The following FLVCR2 variants were observed in gnomAD, a reference collection of about 807,000 sequenced individuals.
FLVCR2 encodes the protein choline/ethanolamine transporter FLVCR2.
FLVCR2 carries 38 observed loss-of-function variants against 48.9 expected under a neutral mutation model. The ratio of observed to expected loss-of-function variants is 0.78; its 90% CI spans 0.60 to 1.02. The LOEUF (loss-of-function observed/expected upper bound fraction) is 1.02. Ranked by LOEUF, FLVCR2 falls within the 50% of genes least tolerant of loss-of-function variation. FLVCR2 has a pLI of 0.00. For missense variants in FLVCR2, 664 were observed against 663.3 expected, an observed-to-expected ratio of 1.00 and a Z score of -0.01; for synonymous variants, 255 against 257.0, an observed-to-expected ratio of 0.99 and a Z score of 0.07.
At chr14:75,616,851 G>C (rs1889631284) in intron 1 of FLVCR2, among the ~76,000 whole-genome samples, 1 of 152,240 alleles carries the variant, frequency 6.6e-6, no homozygotes. Context: ...AAAAGGCTCA[G>C]ATGGGGACTA....
chr14:75,645,785 G>T (rs559792624), intron 9 of FLVCR2, among the ~76,000 whole-genome samples: 27 of 152,142 alleles, frequency 1.8e-4, no homozygotes, highest in Non-Finnish European at 2.4e-4. Context: ...GGGCATGGTG[G>T]TGGGCACCTA....
intron 9 of FLVCR2, 92 bp downstream of exon 9, chr14:75,641,990 C>A: frequency 8.6e-7 from 1 of 1,160,814 alleles, no homozygotes; most frequent in Non-Finnish European, 1.3e-6. Flanking sequence ...AGAACTCCCA[C>A]AGGGACTGGT....
chr14:75,587,900 T>G (rs1490447260), intron 1 of FLVCR2, among the ~76,000 whole-genome samples: 3 of 152,190 alleles, frequency 2.0e-5, no homozygotes, highest in African/African-American at 4.8e-5. Context: ...CATAGCACAG[T>G]GCAATCTAGA....
At position 75,624,608 on chromosome 14, in the gene FLVCR2, T is replaced by C. The variant is rs1405841670; in HGVS notation, c.812-4T>C. Reference sequence around the variant, plus strand: ...TTCAGCCATCTCTGTTTTTTTCCTTTCAGTGTTCAAGGAGAAACCTAAATA... The same window carrying C: ...TTCAGCCATCTCTGTTTTTTTCCTTCCAGTGTTCAAGGAGAAACCTAAATA... On this transcript the variant is annotated splice_region_variant and splice_polypyrimidine_tract_variant and intron_variant, in intron 2 of 9. Coordinates refer to ENST00000238667, the MANE Select transcript of FLVCR2 (RefSeq NM_017791.3). 1 of 1,614,080 alleles carries C rather than the reference T, an allele frequency of 6.2e-7. No homozygotes were observed. Among genetic ancestry groups the C allele is most frequent in the Admixed American group, 1.7e-5 (1 of 60,022 alleles).
chr14:75,621,625 A>G (rs1461180863), intron 1 of FLVCR2, among the ~76,000 whole-genome samples: 1 of 152,092 alleles, frequency 6.6e-6, no homozygotes, highest in East Asian at 1.9e-4. Context: ...TAGCCTTCCA[A>G]CTCTTACTGA....
intron 6 of FLVCR2, chr14:75,640,638 G>A: frequency 2.5e-6 from 1 of 403,964 alleles, no homozygotes; most frequent in South Asian, 2.1e-5. Flanking sequence ...TCTCTCAGCT[G>A]AAGGTTGAAC....
At chr14:75,593,532 A>G (rs1428517434) in intron 1 of FLVCR2, among the ~76,000 whole-genome samples, 2 of 152,198 alleles carry the variant, frequency 1.3e-5, no homozygotes, top group African/African-American at 4.8e-5. Context: ...TGCAGGAACT[A>G]ATCTAGTCTT....
chr14:75,579,905 C>T (rs925022959), intron 1 of FLVCR2, among the ~76,000 whole-genome samples: 1 of 152,228 alleles, frequency 6.6e-6, no homozygotes, highest in Non-Finnish European at 1.5e-5. Context: ...GTGTCGTTCT[C>T]GAACCTGTGT....
chr14:75,621,504 G>A (rs1355964098), intron 1 of FLVCR2, among the ~76,000 whole-genome samples: 5 of 152,130 alleles, frequency 3.3e-5, no homozygotes, highest in Non-Finnish European at 7.4e-5. Flanking sequence ...TCTCCTATGT[G>A]TATAAATTTA....
At chr14:75,589,914 C>G (rs916969903) in intron 1 of FLVCR2, among the ~76,000 whole-genome samples, 1 of 152,198 alleles carries the variant, frequency 6.6e-6, no homozygotes, top group Non-Finnish European at 1.5e-5. Flanking sequence ...CAGCTCTGGA[C>G]AGTGAATGCT....
intron 3 of FLVCR2, among the ~76,000 whole-genome samples, chr14:75,627,386 G>A (rs1889928151): frequency 6.6e-6 from 1 of 152,160 alleles, no homozygotes; most frequent in South Asian, 2.1e-4. Context: ...AACAATCCAA[G>A]CAGCATTTAT....
chr14:75,632,908 C>T (rs1368717500), intron 3 of FLVCR2: 1 of 702,270 alleles, frequency 1.4e-6, no homozygotes, highest in Admixed American at 2.0e-5. Context: ...TTGTCATCAT[C>T]ATCATCACCA....
At chr14:75,632,851 C>T in intron 3 of FLVCR2, 1 of 702,328 alleles carries the variant, frequency 1.4e-6, no homozygotes, top group Non-Finnish European at 2.6e-6. Context: ...TACCTACTTT[C>T]TAGAGTTGTC....
chr14:75,612,805 A>G (rs1382511520), intron 1 of FLVCR2, among the ~76,000 whole-genome samples: 1 of 152,154 alleles, frequency 6.6e-6, no homozygotes, highest in Admixed American at 6.5e-5. Flanking sequence ...ACCCCCTGCC[A>G]AACCTCGACT....
intron 1 of FLVCR2, among the ~76,000 whole-genome samples, chr14:75,621,300 CA>C (rs1889758305): frequency 6.6e-6 from 1 of 151,594 alleles, no homozygotes; most frequent in Non-Finnish European, 1.5e-5. Context: ...TCCAGTTGCT[CA>C]GGAGGCTGAG....
In FLVCR2 at chr14:75,633,000, T is replaced by C. The variant is rs1183900811; in HGVS notation, c.953-629T>C. On this transcript the variant is annotated intron_variant, in intron 3 of 9. Coordinates refer to ENST00000238667, the MANE Select transcript of FLVCR2 (RefSeq NM_017791.3). ...CACTTGCTGTATGACTTTGGGCAAA[T>C]GACCTTATTCGCTAAAGATACAGCC... 7.1e-6 allele frequency: 5 copies of C among 701,968 alleles called. No homozygotes were observed. In the Admixed American group the frequency reaches 8.0e-5, roughly 11 times the overall value. 43.5% of individuals were successfully genotyped at this position (701,968 alleles called of 1,614,324 possible). A position where few individuals can be genotyped will look rare whatever the true frequency, so the allele number is the denominator to read the frequency against.
At chr14:75,589,604 C>T (rs1042152542) in intron 1 of FLVCR2, among the ~76,000 whole-genome samples, 2 of 152,172 alleles carry the variant, frequency 1.3e-5, no homozygotes, top group African/African-American at 4.8e-5. Context: ...AGCCACACTT[C>T]CATGGCTCCA....
At chr14:75,582,706 G>T (rs558012394) in intron 1 of FLVCR2, among the ~76,000 whole-genome samples, 14 of 152,328 alleles carry the variant, frequency 9.2e-5, no homozygotes, top group African/African-American at 2.4e-4. Flanking sequence ...GATCTTGTGT[G>T]GGGGCAGCTT....
intron 9 of FLVCR2, among the ~76,000 whole-genome samples, chr14:75,642,458 C>T (rs1459621287): frequency 6.6e-6 from 1 of 152,164 alleles, no homozygotes; most frequent in Admixed American, 6.5e-5. Flanking sequence ...AGGAGTATGA[C>T]CTAGAACAGA....
Sources: allele counts gnomAD v4.1 joint callset (sites outside exome capture counted in the v4.1 genomes callset), GRCh38; gene constraint gnomAD v4.1.1; transcripts MANE v1.5; gene names NCBI Gene and HGNC (gene_info 2026-07-23, HGNC 2026-07-21).